Variants in SUMF1 observed in about 807,000 individuals in gnomAD.
SUMF1 encodes the protein sulfatase modifying factor 1, also known as formylglycine-generating enzyme.
Under a neutral mutation model 47.6 loss-of-function variants are expected in SUMF1, and 48 were observed. That is an observed-to-expected ratio of 1.01 (90% CI 0.80 to 1.28). SUMF1 has a LOEUF of 1.28. Ranked by LOEUF, SUMF1 falls within the 50% of genes most tolerant of loss-of-function variation. The pLI is 0.00. For synonymous variants in SUMF1, 230 were observed against 192.1 expected (o/e 1.20, Z -1.63); for missense variants, 571 against 485.4 (o/e 1.18, Z -1.66).
chr3:4,093,548 C>T (rs192185675), intron 8 of SUMF1, among the ~76,000 whole-genome samples: 1 of 151,812 alleles, frequency 6.6e-6, no homozygotes, highest in Admixed American at 6.6e-5. Flanking sequence ...TAGGAGCATA[C>T]AAACACTAAA....
chr3:4,124,592 AG>A (rs1344053181), intron 8 of SUMF1, among the ~76,000 whole-genome samples: 3 of 151,158 alleles, frequency 2.0e-5, no homozygotes, highest in Non-Finnish European at 2.9e-5. Flanking sequence ...AATTGAATGA[AG>A]GAAAAAAAAA....
chr3:4,328,112 G>A (rs1698981631), intron 8 of SUMF1, among the ~76,000 whole-genome samples: 1 of 152,132 alleles, frequency 6.6e-6, no homozygotes, highest in African/African-American at 2.4e-5. Context: ...AAGGTACTTA[G>A]GAGGCTGAGG....
chr3:4,198,596 A>G (rs915202647), intron 8 of SUMF1, among the ~76,000 whole-genome samples: 2 of 152,168 alleles, frequency 1.3e-5, no homozygotes, highest in African/African-American at 4.8e-5. Context: ...TCTAAAAGTG[A>G]AAAGACTGAC....
rs1219152627 is a variant in SUMF1, at chr3:4,420,696, T to G, written c.520-550A>C. Among the ~76,000 whole-genome samples the G allele has an allele frequency of 3.9e-5, 6 of 152,062 alleles. No individual in the cohort carries two copies. The East Asian group carries it at 1.2e-3, about 29-fold the overall frequency. On this transcript the variant is annotated intron_variant, in intron 3 of 8. Transcript: ENST00000272902. ...CAGGAGTGAGCCACCACACCCGGCC[T>G]CTGTAAGAATTTTTAAAAAGTGCAT... is the stretch of plus-strand genomic sequence containing the variant.
At chr3:4,050,778 G>GAAAAGAAAAAGA (rs1167060855) in intron 9 of SUMF1, among the ~76,000 whole-genome samples, 1 of 144,958 alleles carries the variant, frequency 6.9e-6, no homozygotes, top group South Asian at 2.2e-4. Context: ...AAAGAAAAAA[G>GAAAAGAAAAAGA]AAAAGAAAAA....
At chr3:4,199,810 A>T (rs904001757) in intron 8 of SUMF1, among the ~76,000 whole-genome samples, 1 of 151,930 alleles carries the variant, frequency 6.6e-6, no homozygotes, top group East Asian at 1.9e-4. Flanking sequence ...CCTATTTTTT[A>T]ATTGGATTAT....
chr3:4,312,662 A>C (rs961781770), intron 8 of SUMF1, among the ~76,000 whole-genome samples: 1 of 150,804 alleles, frequency 6.6e-6, no homozygotes, highest in Non-Finnish European at 1.5e-5. Context: ...TGATCACAGC[A>C]CTGCACTCCA....
At position 4,098,065 on chromosome 3, in the gene SUMF1, C is replaced by T. The variant is rs963009717; in HGVS notation, c.1015-29320G>A. Among the ~76,000 whole-genome samples, 5 of 152,190 alleles carry T rather than the reference C, an allele frequency of 3.3e-5. 1 individual carries two copies. The South Asian group carries it at 6.2e-4, about 19-fold the overall frequency. Reference sequence around the variant, plus strand: ...TCCGCTGAAATGCCCAGAAGAATAACGTATCTTCCTGTCAGGGTTGAGACT... The same window carrying T: ...TCCGCTGAAATGCCCAGAAGAATAATGTATCTTCCTGTCAGGGTTGAGACT... On this transcript the variant is annotated intron_variant and NMD_transcript_variant, in intron 8 of 12. Coordinates refer to the SUMF1 transcript ENST00000448413.
intron 8 of SUMF1, among the ~76,000 whole-genome samples, chr3:4,164,948 T>C (rs763607589): frequency 6.6e-6 from 1 of 152,138 alleles, no homozygotes; most frequent in Non-Finnish European, 1.5e-5. Context: ...GCGGACATCA[T>C]CGAATAATTC....
intron 8 of SUMF1, among the ~76,000 whole-genome samples, chr3:4,165,698 T>C (rs181764135): frequency 7.2e-5 from 11 of 152,226 alleles, no homozygotes; most frequent in African/African-American, 2.4e-4. Context: ...AGAGAGAATA[T>C]TGGGGCCAGA....
chr3:4,161,271 G>A (rs1046233791), intron 8 of SUMF1, among the ~76,000 whole-genome samples: 1 of 152,168 alleles, frequency 6.6e-6, no homozygotes, highest in Non-Finnish European at 1.5e-5. Flanking sequence ...CACTGGGTCA[G>A]ACACAGCACT....
chr3:4,384,972 AC>A lies in SUMF1; in HGVS notation c.955-8584del, dbSNP rs139808304. 1.8e-3 allele frequency among the ~76,000 whole-genome samples: 262 copies of A among 149,338 alleles called. 9 individuals carry two copies. In the East Asian group the frequency reaches 0.047, roughly 27 times the overall value. Reference sequence around the variant, plus strand: ...GTAAGCTTGGGTCATTCCAACCTCCACCTCCCAGGTTCAAGCGATTCTCCTG... The same window carrying A: ...GTAAGCTTGGGTCATTCCAACCTCCACTCCCAGGTTCAAGCGATTCTCCTG... On this transcript the variant is annotated intron_variant, in intron 7 of 8. Coordinates refer to ENST00000272902, the MANE Select transcript of SUMF1 (RefSeq NM_182760.4).
chr3:4,453,199 C>G, intron 1 of SUMF1, 150 bp from the exon 2 acceptor site: 1 of 767,850 alleles, frequency 1.3e-6, no homozygotes, highest in East Asian at 2.7e-5. Context: ...TCTCTATACC[C>G]CAAAGAAGGT....
At chr3:4,367,576 C>G (rs1700020861) in intron 8 of SUMF1, among the ~76,000 whole-genome samples, 1 of 151,922 alleles carries the variant, frequency 6.6e-6, no homozygotes, top group South Asian at 2.1e-4. Context: ...CACTACCTGA[C>G]TTCAAACTAT....
intron 8 of SUMF1, among the ~76,000 whole-genome samples, chr3:4,201,424 C>T (rs1384662256): frequency 6.6e-6 from 1 of 152,026 alleles, no homozygotes; most frequent in Non-Finnish European, 1.5e-5. Flanking sequence ...TCTTATTTCA[C>T]TTGACATTAT....
At chr3:4,095,446 T>C (rs570378055) in intron 8 of SUMF1, among the ~76,000 whole-genome samples, 2 of 152,214 alleles carry the variant, frequency 1.3e-5, no homozygotes, top group South Asian at 2.1e-4. Flanking sequence ...GAATCCCTAA[T>C]GTCTCTTTTT....
intron 6 of SUMF1, among the ~76,000 whole-genome samples, chr3:4,413,359 T>C (rs1268670174): frequency 2.6e-5 from 4 of 152,144 alleles, no homozygotes; most frequent in Admixed American, 6.5e-5. Context: ...ATATGGGTGC[T>C]ATTTTGTCTG....
At chr3:4,037,911 T>G (rs167600) in intron 9 of SUMF1, among the ~76,000 whole-genome samples, 149,693 of 152,268 alleles carry the variant, frequency 0.98, 73,629 homozygotes, top group Middle Eastern at 1. Flanking sequence ...GTTTCACAGT[T>G]GGCGGGTTAT....
At chr3:4,150,803 C>T (rs756172757) in intron 8 of SUMF1, among the ~76,000 whole-genome samples, 57 of 151,344 alleles carry the variant, frequency 3.8e-4, no homozygotes, top group Non-Finnish European at 8.8e-5. Flanking sequence ...TATTGCTGCC[C>T]CAGACAAAAA....
Sources: allele counts gnomAD v4.1 joint callset (sites outside exome capture counted in the v4.1 genomes callset), GRCh38; gene constraint gnomAD v4.1.1; transcripts MANE v1.5; gene names NCBI Gene and HGNC (gene_info 2026-07-23, HGNC 2026-07-21).